Variants in PDE4D observed in about 807,000 individuals in gnomAD.
The protein encoded by PDE4D is 3',5'-cyclic-AMP phosphodiesterase 4D.
A neutral mutation model predicts 87.4 loss-of-function variants in PDE4D; 24 were observed. The ratio of observed to expected loss-of-function variants is 0.27; its 90% CI spans 0.20 to 0.39. PDE4D has a LOEUF of 0.39. Ranked by LOEUF, PDE4D falls within the 10% of genes least tolerant of loss-of-function variation. The probability of loss-of-function intolerance (pLI) is 1.00; values close to 1 mark genes in which losing one functional copy is unlikely to be tolerated. For missense variants in PDE4D, 714 were observed against 1,041.0 expected, an observed-to-expected ratio of 0.69 and a Z score of 4.32; for synonymous variants, 384 against 383.2, an observed-to-expected ratio of 1.00 and a Z score of -0.02.
intron 6 of PDE4D, among the ~76,000 whole-genome samples, chr5:59,023,179 A>C (rs1409041270): frequency 7.0e-6 from 1 of 143,412 alleles, no homozygotes; most frequent in East Asian, 2.5e-4. Flanking sequence ...TAACTCAAGG[A>C]AAAAAAAAAA....
intron 1 of PDE4D, among the ~76,000 whole-genome samples, chr5:60,515,309 C>T (rs188431048): frequency 6.6e-6 from 1 of 152,202 alleles, no homozygotes; most frequent in Admixed American, 6.5e-5. Context: ...AAAATAAAGA[C>T]TGTTGACCCT....
At chr5:59,780,809 A>G (rs562881402) in intron 1 of PDE4D, among the ~76,000 whole-genome samples, 9 of 152,316 alleles carry the variant, frequency 5.9e-5, no homozygotes, top group Non-Finnish European at 1.2e-4. Flanking sequence ...GTTTTGATTA[A>G]GTCATATTTG....
chr5:59,355,940 TAAATAAGAAAGACCTTATATCCAAA>T (rs1355214474), intron 1 of PDE4D, among the ~76,000 whole-genome samples: 1 of 152,210 alleles, frequency 6.6e-6, no homozygotes, highest in African/African-American at 2.4e-5. Context: ...GCATTTGGTC[TAAATAAGAAAGACCTTATATCCAAA>T]ATTTTGCAAA....
chr5:60,411,061 G>A (rs917317901), intron 1 of PDE4D, among the ~76,000 whole-genome samples: 1 of 152,120 alleles, frequency 6.6e-6, no homozygotes, highest in Non-Finnish European at 1.5e-5. Context: ...TTTGAACATA[G>A]GCTGACTGGC....
chr5:59,020,461 A>ATT (rs1377835276), intron 6 of PDE4D, among the ~76,000 whole-genome samples: 4 of 151,452 alleles, frequency 2.6e-5, no homozygotes, highest in Non-Finnish European at 4.4e-5. Flanking sequence ...CAACAGAGCA[A>ATT]GACTCCGTCT....
intron 2 of PDE4D, among the ~76,000 whole-genome samples, chr5:60,180,647 C>A (rs1187398745): frequency 6.6e-6 from 1 of 152,108 alleles, no homozygotes; most frequent in Non-Finnish European, 1.5e-5. Flanking sequence ...GCCTAACACA[C>A]AGTAGCCATT....
At chr5:59,201,668 A>T (rs1266468383) in intron 2 of PDE4D, among the ~76,000 whole-genome samples, 1 of 152,210 alleles carries the variant, frequency 6.6e-6, no homozygotes, top group East Asian at 1.9e-4. Context: ...CATTTAAGTC[A>T]AAATAAATTA....
chr5:60,370,438 C>T (rs1345021681), intron 1 of PDE4D, among the ~76,000 whole-genome samples: 1 of 152,072 alleles, frequency 6.6e-6, no homozygotes, highest in Non-Finnish European at 1.5e-5. Flanking sequence ...ATGAAACTTA[C>T]TTAAAAATTA....
chr5:60,428,693 G>A lies in PDE4D; in HGVS notation c.-90+59249C>T, dbSNP rs562798300. 3.9e-5 allele frequency among the ~76,000 whole-genome samples: 6 copies of A among 152,286 alleles called. No individual in the cohort carries two copies. The South Asian group carries it at 6.2e-4, about 16-fold the overall frequency. On this transcript the variant is annotated intron_variant, in intron 1 of 16. Transcript: ENST00000502484. The stretch of plus-strand genomic sequence containing the variant: ...CGATGATATAAAGAATTTTCATAAT[G>A]TAGGTATCCTTGGCCCCACTTTGTA...
intron 1 of PDE4D, among the ~76,000 whole-genome samples, chr5:60,396,929 A>G (rs187593957): frequency 1.3e-5 from 2 of 152,348 alleles, no homozygotes; most frequent in East Asian, 3.9e-4. Flanking sequence ...TTGTATGGAA[A>G]CAAAGACGAA....
chr5:59,688,717 A>G (rs1580428052), intron 1 of PDE4D, among the ~76,000 whole-genome samples: 1 of 152,192 alleles, frequency 6.6e-6, no homozygotes, highest in Non-Finnish European at 1.5e-5. Flanking sequence ...AATAACTAAG[A>G]TCAGAGCAGA....
intron 1 of PDE4D, among the ~76,000 whole-genome samples, chr5:59,295,073 A>G (rs1016574724): frequency 6.6e-6 from 1 of 152,200 alleles, no homozygotes; most frequent in African/African-American, 2.4e-5. Flanking sequence ...TACAAAATTA[A>G]CATTATACCT....
chr5:59,982,000 G>C (rs992873678), intron 3 of PDE4D, among the ~76,000 whole-genome samples: 2 of 152,136 alleles, frequency 1.3e-5, no homozygotes, highest in Non-Finnish European at 2.9e-5. Context: ...TGGCATCTGT[G>C]ACCAGTCCCT....
chr5:59,575,639 C>A (rs1002265896), intron 1 of PDE4D, among the ~76,000 whole-genome samples: 4 of 152,066 alleles, frequency 2.6e-5, no homozygotes, highest in Admixed American at 6.5e-5. Flanking sequence ...TCTATCCCCC[C>A]AAAAACATGG....
At chr5:59,925,612 T>A (rs1183908830) in intron 3 of PDE4D, among the ~76,000 whole-genome samples, 1 of 152,152 alleles carries the variant, frequency 6.6e-6, no homozygotes, top group African/African-American at 2.4e-5. Context: ...ATCTGTTGCC[T>A]ACAAGAAATG....
At chr5:59,322,880 C>T (rs1018434732) in intron 1 of PDE4D, among the ~76,000 whole-genome samples, 1 of 152,138 alleles carries the variant, frequency 6.6e-6, no homozygotes, top group Non-Finnish European at 1.5e-5. Context: ...TGAAGCAGCA[C>T]TATTCTGACC....
At chr5:60,054,290 C>A (rs1175037270) in intron 2 of PDE4D, among the ~76,000 whole-genome samples, 1 of 152,154 alleles carries the variant, frequency 6.6e-6, no homozygotes, top group Admixed American at 6.5e-5. Flanking sequence ...AACCCAAACG[C>A]CCATCAACGA....
chr5:59,382,500 T>C (rs1786082450), intron 1 of PDE4D, among the ~76,000 whole-genome samples: 1 of 152,204 alleles, frequency 6.6e-6, no homozygotes, highest in African/African-American at 2.4e-5. Flanking sequence ...ATAAATATAG[T>C]TATTTCTTAA....
At chr5:59,736,685 AAAAG>A (rs1397907304) in intron 1 of PDE4D, among the ~76,000 whole-genome samples, 1 of 152,116 alleles carries the variant, frequency 6.6e-6, no homozygotes, top group African/African-American at 2.4e-5. Context: ...TCTCAAAAAA[AAAAG>A]AAAAAGAAAA....
Sources: allele counts gnomAD v4.1 joint callset (sites outside exome capture counted in the v4.1 genomes callset), GRCh38; gene constraint gnomAD v4.1.1; transcripts MANE v1.5; gene names NCBI Gene and HGNC (gene_info 2026-07-23, HGNC 2026-07-21).